Variants in NELL1 observed in about 807,000 individuals in gnomAD.
NELL1 encodes protein kinase C-binding protein NELL1.
In NELL1, 76 loss-of-function variants were observed where a neutral mutation model predicts 107.4. The ratio of observed to expected loss-of-function variants is 0.71; its 90% CI spans 0.59 to 0.86. The LOEUF (loss-of-function observed/expected upper bound fraction) is 0.86. Ranked by LOEUF, NELL1 falls within the 40% of genes least tolerant of loss-of-function variation. The pLI is 0.00. For synonymous variants in NELL1, 353 were observed against 341.2 expected (o/e 1.03, Z -0.38); for missense variants, 1,024 against 1,005.5 (o/e 1.02, Z -0.25).
At chr11:21,294,815 T>A (rs1025845288) in intron 14 of NELL1, among the ~76,000 whole-genome samples, 3 of 151,964 alleles carry the variant, frequency 2.0e-5, no homozygotes, top group Non-Finnish European at 4.4e-5. Flanking sequence ...TATGTGAAAG[T>A]GGACTAGGTT....
intron 12 of NELL1, among the ~76,000 whole-genome samples, chr11:21,063,633 C>T (rs994099172): frequency 3.3e-5 from 5 of 152,136 alleles, no homozygotes; most frequent in Admixed American, 2.6e-4. Context: ...GTGCCAGGAG[C>T]CTGAAACAAA....
intron 16 of NELL1, among the ~76,000 whole-genome samples, chr11:21,555,422 GA>G (rs761812755): frequency 4.6e-5 from 7 of 151,872 alleles, no homozygotes; most frequent in Non-Finnish European, 7.4e-5. Flanking sequence ...AGGAGAGAAT[GA>G]AAATGAGTAA....
intron 11 of NELL1, among the ~76,000 whole-genome samples, chr11:20,957,803 G>A (rs148028643): frequency 4.7e-4 from 72 of 152,176 alleles, no homozygotes; most frequent in African/African-American, 1.7e-3. Flanking sequence ...CACACCTCAA[G>A]ACAGAATTAA....
At chr11:20,717,993 A>C (rs1855292594) in intron 2 of NELL1, among the ~76,000 whole-genome samples, 1 of 152,158 alleles carries the variant, frequency 6.6e-6, no homozygotes, top group African/African-American at 2.4e-5. Flanking sequence ...TGTTCCTGCT[A>C]ATCTCTGACT....
chr11:20,855,948 C>T (rs1442786126), intron 4 of NELL1, among the ~76,000 whole-genome samples: 1 of 152,178 alleles, frequency 6.6e-6, no homozygotes, highest in Admixed American at 6.5e-5. Flanking sequence ...ATGCTGATGT[C>T]GTTGAAAAGA....
At chr11:20,968,811 G>A (rs1422710325) in intron 12 of NELL1, among the ~76,000 whole-genome samples, 1 of 152,132 alleles carries the variant, frequency 6.6e-6, no homozygotes, top group African/African-American at 2.4e-5. Context: ...GCCTCTCAAG[G>A]TCACCAGGGA....
chr11:20,759,097 A>G (rs1440821480), intron 2 of NELL1, among the ~76,000 whole-genome samples: 1 of 152,198 alleles, frequency 6.6e-6, no homozygotes, highest in Non-Finnish European at 1.5e-5. Flanking sequence ...CAGTGTAGCT[A>G]AGTCCCAAAT....
intron 14 of NELL1, among the ~76,000 whole-genome samples, chr11:21,322,116 C>T (rs1186947143): frequency 6.6e-6 from 1 of 152,146 alleles, no homozygotes; most frequent in Non-Finnish European, 1.5e-5. Context: ...AAGTCTAAGA[C>T]AACTCTCCTG....
intron 15 of NELL1, among the ~76,000 whole-genome samples, chr11:21,385,755 T>C (rs1294516828): frequency 6.6e-6 from 1 of 151,924 alleles, no homozygotes; most frequent in Non-Finnish European, 1.5e-5. Context: ...CCAACCTTCT[T>C]ACAGTAGCAT....
In NELL1 at chr11:21,473,503, C is replaced by A. The variant is rs143184750; in HGVS notation, c.1646-60871C>A. The stretch of plus-strand genomic sequence containing the variant: ...CTGTTCATATTTTAACGAGGAGTTT[C>A]TAAGAAGTGACCCTAATTCTACACA... On this transcript the variant is annotated intron_variant, in intron 15 of 19. Transcript: ENST00000357134. 5.5e-3 allele frequency among the ~76,000 whole-genome samples: 831 copies of A among 152,066 alleles called. 5 individuals are homozygous for A. Among genetic ancestry groups the A allele is most frequent in the African/African-American group, 0.017 (698 of 41,528 alleles).
At chr11:20,820,895 C>G (rs1040467949) in intron 3 of NELL1, among the ~76,000 whole-genome samples, 7 of 28,142 alleles carry the variant, frequency 2.5e-4, no homozygotes, top group Admixed American at 5.9e-4. Context: ...AACTTGTCAC[C>G]TAACAATATA....
chr11:21,282,148 A>AG (rs1590801792), intron 14 of NELL1, among the ~76,000 whole-genome samples: 1 of 152,210 alleles, frequency 6.6e-6, no homozygotes, highest in Admixed American at 6.5e-5. Flanking sequence ...ACAACTCTAT[A>AG]GGAAAAAAAA....
At chr11:20,800,939 C>A (rs1857269462) in intron 3 of NELL1, among the ~76,000 whole-genome samples, 1 of 152,132 alleles carries the variant, frequency 6.6e-6, no homozygotes, top group African/African-American at 2.4e-5. Context: ...TCCACAGTAT[C>A]CTTCCACAAT....
At chr11:21,128,545 A>C (rs754177028) in intron 13 of NELL1, among the ~76,000 whole-genome samples, 3 of 152,192 alleles carry the variant, frequency 2.0e-5, no homozygotes, top group Non-Finnish European at 4.4e-5. Context: ...GAGAAATCTT[A>C]CTTGTGAATC....
At chr11:21,433,840 T>G (rs1853033165) in intron 15 of NELL1, among the ~76,000 whole-genome samples, 1 of 151,988 alleles carries the variant, frequency 6.6e-6, no homozygotes, top group East Asian at 1.9e-4. Flanking sequence ...CATGCCCAGC[T>G]AATTTTGAAC....
chr11:21,515,263 T>C (rs1373540880), intron 15 of NELL1, among the ~76,000 whole-genome samples: 1 of 152,150 alleles, frequency 6.6e-6, no homozygotes, highest in Non-Finnish European at 1.5e-5. Context: ...TTGGCATAAG[T>C]CATGGGAAAA....
intron 2 of NELL1, among the ~76,000 whole-genome samples, chr11:20,717,094 T>C (rs1428648902): frequency 6.6e-6 from 1 of 152,222 alleles, no homozygotes. Context: ...TACATCTTCA[T>C]GCATACCTCC....
chr11:21,315,905 G>C (rs1469787035), intron 14 of NELL1, among the ~76,000 whole-genome samples: 2 of 151,662 alleles, frequency 1.3e-5, no homozygotes, highest in Non-Finnish European at 2.9e-5. Flanking sequence ...GTGTGTGTGT[G>C]TGTGTGTGTG....
intron 2 of NELL1, among the ~76,000 whole-genome samples, chr11:20,686,388 GA>G (rs1378468561): frequency 2.6e-5 from 4 of 152,010 alleles, no homozygotes; most frequent in African/African-American, 9.7e-5. Context: ...CTTCTTGCTT[GA>G]AATAAATTTT....
Sources: gnomAD v4.1 joint callset for allele counts (sites outside exome capture counted in the v4.1 genomes callset) on GRCh38, gnomAD v4.1.1 for gene constraint, MANE v1.5 for transcripts, NCBI Gene and HGNC (gene_info 2026-07-23, HGNC 2026-07-21) for gene names.